The following DNAH12 variants were observed in gnomAD, a reference collection of about 807,000 sequenced individuals.
The protein encoded by DNAH12 is axonemal beta dynein heavy chain 12.
A neutral mutation model predicts 371.5 loss-of-function variants in DNAH12; 285 were observed. That is an observed-to-expected ratio of 0.77 (90% CI 0.70 to 0.85). The LOEUF is 0.85. Ranked by LOEUF, DNAH12 falls within the 40% of genes least tolerant of loss-of-function variation. The probability of loss-of-function intolerance (pLI) is 0.00; values close to 1 mark genes in which losing one functional copy is unlikely to be tolerated. For synonymous variants in DNAH12, 1,200 were observed against 1,213.0 expected, an observed-to-expected ratio of 0.99 and a Z score of 0.22; for missense variants, 3,611 against 3,689.4, an observed-to-expected ratio of 0.98 and a Z score of 0.55.
rs535746388 is a variant in DNAH12, at chr3:57,496,351, A to C, written c.1335+4970T>G. Reference sequence around the variant, plus strand: ...GGTAATTCAAGTTTATCCCAGGAAAACAACATTGGGTTAATATTTGAACAT... The same window carrying C: ...GGTAATTCAAGTTTATCCCAGGAAACCAACATTGGGTTAATATTTGAACAT... On this transcript the variant is annotated intron_variant, in intron 11 of 73. Transcript: ENST00000495027. Among the ~76,000 whole-genome samples, 40 of 152,288 alleles carry C rather than the reference A, an allele frequency of 2.6e-4. 1 individual carries two copies. The South Asian group carries it at 7.7e-3, about 29-fold the overall frequency.
chr3:57,423,477 A>G (rs770946461), intron 35 of DNAH12, among the ~76,000 whole-genome samples: 1 of 152,188 alleles, frequency 6.6e-6, no homozygotes, highest in Non-Finnish European at 1.5e-5. Flanking sequence ...AAGGAGGACA[A>G]AAGGAAGGGA....
chr3:57,414,988 T>C (rs2064319314), intron 38 of DNAH12, among the ~76,000 whole-genome samples: 1 of 152,172 alleles, frequency 6.6e-6, no homozygotes, highest in Non-Finnish European at 1.5e-5. Flanking sequence ...CTCACATGGT[T>C]CCTGTCACAG....
At chr3:57,479,334 A>ATAATGGTAATGG (rs2066653124) in intron 13 of DNAH12, among the ~76,000 whole-genome samples, 1 of 152,184 alleles carries the variant, frequency 6.6e-6, no homozygotes, top group Non-Finnish European at 1.5e-5. Flanking sequence ...AGGCCATTAC[A>ATAATGGTAATGG]TAATGGTAAA....
At chr3:57,295,410 A>G (rs2061212878) in intron 73 of DNAH12, 115 bp downstream of exon 73, 3 of 682,218 alleles carry the variant, frequency 4.4e-6, no homozygotes, top group Non-Finnish European at 7.3e-6. Flanking sequence ...AATGTTTATT[A>G]TAATTGAGCT....
intron 2 of DNAH12, among the ~76,000 whole-genome samples, chr3:57,539,996 T>C (rs924991445): frequency 2.0e-5 from 3 of 152,140 alleles, no homozygotes; most frequent in Middle Eastern, 3.2e-3. Flanking sequence ...ATTTACTATC[T>C]GTTTCCTCTC....
At chr3:57,521,140 T>C (rs1229844584) in intron 4 of DNAH12, among the ~76,000 whole-genome samples, 1 of 150,728 alleles carries the variant, frequency 6.6e-6, no homozygotes, top group Non-Finnish European at 1.5e-5. Context: ...AAGAACTCTT[T>C]GCCTAGGCTA....
At chr3:57,404,468 C>T (rs1464200473) in intron 42 of DNAH12, among the ~76,000 whole-genome samples, 4 of 152,194 alleles carry the variant, frequency 2.6e-5, no homozygotes, top group Admixed American at 6.5e-5. Context: ...GTAATCCCAG[C>T]ACTTTGGGAG....
At chr3:57,523,659 T>G (rs2068527863) in intron 3 of DNAH12, 50 bp from the exon 4 acceptor site, 1 of 1,390,582 alleles carries the variant, frequency 7.2e-7, no homozygotes. Context: ...CATTTTAAAA[T>G]TAATTTAAAT....
At chr3:57,314,972 G>A (rs1241564687) in intron 65 of DNAH12, among the ~76,000 whole-genome samples, 1 of 152,066 alleles carries the variant, frequency 6.6e-6, no homozygotes, top group Non-Finnish European at 1.5e-5. Context: ...TAAACTTGCT[G>A]GCATATGCTT....
chr3:57,458,240 T>C lies in DNAH12; in HGVS notation c.2932-20A>G, dbSNP rs774757897. The C allele has an allele frequency of 2.2e-5, 34 of 1,533,572 alleles. No homozygotes were observed. The African/African-American group carries it at 3.9e-4, about 18-fold the overall frequency. 95.0% of individuals were successfully genotyped at this position (1,533,572 alleles called of 1,614,324 possible). A position where few individuals can be genotyped will look rare whatever the true frequency, so the allele number is the denominator to read the frequency against. On this transcript the variant is annotated intron_variant, in intron 20 of 73. Transcript: ENST00000495027. ...AAGAACCTAAACGAGACACATGCAT[T>C]CAAGTCAGCACTTTTATGCCAGATA...
Position 57,314,592 on chromosome 3 carries a change from C to T in DNAH12, c.10564G>A (p.Ala3522Thr), listed in dbSNP as rs1363210334. 2 of 1,548,656 alleles carry T rather than the reference C, an allele frequency of 1.3e-6. No individual in the cohort carries two copies. The highest frequency in any genetic ancestry group is 2.0e-5 in the Admixed American group (1 of 50,278). ...KLLFGVCFFH[A>T]LVQERKKFGP... The stretch of plus-strand genomic sequence containing the variant: ...AATTTCTTTCTCTCTTGCACAAGGG[C>T]ATGAAAAAAACAAACTCCAAACAGT... The change falls in exon 66 of 74, where the codon GCC becomes ACC. Residue 3522 changes from alanine (A) to threonine (T), a missense_variant. Coordinates refer to ENST00000495027, the MANE Select transcript of DNAH12 (RefSeq NM_001366028.2).
chr3:57,352,167 T>C lies in DNAH12; in HGVS notation c.9592A>G (p.Asn3198Asp), dbSNP rs2062691519. 3 of 1,543,728 alleles carry C rather than the reference T, an allele frequency of 1.9e-6. No homozygotes were observed. Among genetic ancestry groups the C allele is most frequent in the African/African-American group, 2.8e-5 (2 of 72,568 alleles). The change falls in exon 60 of 74, where the codon AAC (asparagine) becomes GAC (aspartate). Residue 3198 changes from asparagine to aspartate, a missense_variant. Coordinates refer to ENST00000495027, the MANE Select transcript of DNAH12 (RefSeq NM_001366028.2). The part of the protein sequence containing the change: ...LRYLNDHFTY[N>D]LYCNICRSLF... ...GATCGGCATATATTACAATATAAGT[T>C]GTATGTGAAGTGGTCATTTAAATAT...
At chr3:57,344,796 G>A (rs575168117) in intron 60 of DNAH12, among the ~76,000 whole-genome samples, 1 of 152,200 alleles carries the variant, frequency 6.6e-6, no homozygotes, top group Non-Finnish European at 1.5e-5. Flanking sequence ...TGGGAAACAG[G>A]GAAAAGCAGG....
intron 32 of DNAH12, among the ~76,000 whole-genome samples, chr3:57,430,299 C>T (rs1168906070): frequency 6.6e-6 from 1 of 152,072 alleles, no homozygotes. Flanking sequence ...ATTCAAATGC[C>T]TATGTTTCCA....
chr3:57,500,366 T>C (rs9844559), intron 11 of DNAH12, among the ~76,000 whole-genome samples: 11,587 of 152,118 alleles, frequency 0.076, 1,512 homozygotes, highest in African/African-American at 0.26. Context: ...AAAACTCAGA[T>C]CCGAATAGAT....
intron 66 of DNAH12, among the ~76,000 whole-genome samples, chr3:57,312,526 C>T (rs2061602795): frequency 6.6e-6 from 1 of 152,196 alleles, no homozygotes; most frequent in Admixed American, 6.5e-5. Context: ...GTGAAGATGG[C>T]TTAAGGATTA....
At position 57,405,868 on chromosome 3, in the gene DNAH12, T is replaced by A. The variant is rs868958143; in HGVS notation, c.6361A>T (p.Ile2121Phe). 1 of 1,551,528 alleles carries A rather than the reference T, an allele frequency of 6.4e-7. No homozygotes were observed. The highest frequency in any genetic ancestry group is 2.4e-5 in the East Asian group (1 of 40,912). ...TFNLRDFSRV[I>F]RGCLLIERDA... ...CTTTCAATGAGTAAACAGCCCCGGA[T>A]GACGCGTGAAAAATCACGCAAGTTG... Residue 2121 changes from isoleucine to phenylalanine, a missense_variant, in exon 41 of 74, where the codon ATC becomes TTC. Ile to Phe is a conservative substitution (Grantham distance 21, BLOSUM62 0). This residue lies in a region of DNAH12 where 2,266 missense variants were observed against 2,236.9 expected (regional missense o/e 1.01). Transcript: ENST00000495027.
chr3:57,410,781 A>G (rs1432297607), intron 39 of DNAH12, among the ~76,000 whole-genome samples: 1 of 151,510 alleles, frequency 6.6e-6, no homozygotes, highest in Non-Finnish European at 1.5e-5. Flanking sequence ...ACGCCACTAC[A>G]CTCCAGCCTG....
intron 59 of DNAH12, among the ~76,000 whole-genome samples, chr3:57,354,767 A>C (rs1327197437): frequency 6.6e-6 from 1 of 152,162 alleles, no homozygotes; most frequent in Non-Finnish European, 1.5e-5. Flanking sequence ...TGGTAAATTC[A>C]TGCTATGAAT....
Sources: gnomAD v4.1 joint callset for allele counts (sites outside exome capture counted in the v4.1 genomes callset) on GRCh38, gnomAD v4.1.1 for gene constraint, gnomAD v4.1.1 regional missense constraint, MANE v1.5 for transcripts, NCBI Gene and HGNC (gene_info 2026-07-23, HGNC 2026-07-21) for gene names.